Variants in FYN observed in about 807,000 individuals in gnomAD.
The protein encoded by FYN is FYN proto-oncogene, Src family tyrosine kinase.
A neutral mutation model predicts 70.2 loss-of-function variants in FYN; 10 were observed. The ratio of observed to expected loss-of-function variants is 0.14; its 90% CI spans 0.09 to 0.24. The LOEUF (loss-of-function observed/expected upper bound fraction) is 0.24. Ranked by LOEUF, FYN falls within the 10% of genes least tolerant of loss-of-function variation. FYN has a pLI of 1.00. For missense variants in FYN, 319 were observed against 673.1 expected (o/e 0.47, Z 5.82); for synonymous variants, 236 against 248.6 (o/e 0.95, Z 0.48).
At chr6:111,821,019 T>A (rs73766744) in intron 2 of FYN, among the ~76,000 whole-genome samples, 3,232 of 152,204 alleles carry the variant, frequency 0.021, 99 homozygotes, top group African/African-American at 0.071. Context: ...TAATTTTTTT[T>A]AAAAAAGACT....
chr6:111,792,849 G>A (rs897202941), intron 2 of FYN, among the ~76,000 whole-genome samples: 3 of 152,172 alleles, frequency 2.0e-5, no homozygotes, highest in African/African-American at 4.8e-5. Context: ...TAGAAGTCAT[G>A]CTATCAGTTA....
chr6:111,767,479 G>A (rs1803271989), intron 3 of FYN, among the ~76,000 whole-genome samples: 1 of 152,162 alleles, frequency 6.6e-6, no homozygotes, highest in Non-Finnish European at 1.5e-5. Context: ...TCAGCTCACT[G>A]CAACCTCTGC....
chr6:111,719,319 A>AG (rs1800825150), intron 4 of FYN, among the ~76,000 whole-genome samples: 1 of 152,110 alleles, frequency 6.6e-6, no homozygotes, highest in Non-Finnish European at 1.5e-5. Flanking sequence ...CCAAAAAAAA[A>AG]AAAAAAAGAA....
chr6:111,872,067 GTCACAC>G (rs906435600), intron 1 of FYN, among the ~76,000 whole-genome samples: 2 of 152,132 alleles, frequency 1.3e-5, no homozygotes, highest in East Asian at 3.9e-4. Flanking sequence ...GGCTCTTTGT[GTCACAC>G]TCACACTCAC....
At chr6:111,712,413 C>T (rs983903555) in intron 5 of FYN, among the ~76,000 whole-genome samples, 5 of 152,162 alleles carry the variant, frequency 3.3e-5, no homozygotes, top group Non-Finnish European at 7.4e-5. Flanking sequence ...AAGCCCAATC[C>T]CCTCCTCCCC....
intron 2 of FYN, among the ~76,000 whole-genome samples, chr6:111,784,448 G>A (rs1771290785): frequency 6.6e-6 from 1 of 152,206 alleles, no homozygotes; most frequent in Admixed American, 6.5e-5. Flanking sequence ...GTTTTGCTCA[G>A]GGAACTGACC....
At chr6:111,673,175 T>C (rs1055278360) in intron 13 of FYN, among the ~76,000 whole-genome samples, 2 of 152,006 alleles carry the variant, frequency 1.3e-5, no homozygotes, top group Non-Finnish European at 2.9e-5. Flanking sequence ...ATTTCCCCCC[T>C]TGAGAAGCAA....
chr6:111,827,452 C>T (rs1182700005), intron 2 of FYN, among the ~76,000 whole-genome samples: 3 of 152,144 alleles, frequency 2.0e-5, no homozygotes, highest in Admixed American at 6.5e-5. Context: ...CATTCCGGCT[C>T]ATGCCCATCT....
intron 9 of FYN, among the ~76,000 whole-genome samples, chr6:111,699,299 T>C (rs1799723206): frequency 6.6e-6 from 1 of 152,176 alleles, no homozygotes; most frequent in East Asian, 1.9e-4. Context: ...AGTGTACTGG[T>C]TTCCTGTTCT....
intron 6 of FYN, among the ~76,000 whole-genome samples, chr6:111,706,464 A>C (rs1800098508): frequency 6.6e-6 from 1 of 152,244 alleles, no homozygotes; most frequent in Admixed American, 6.5e-5. Context: ...GAAACACCAA[A>C]ATGTGCAACA....
In FYN at chr6:111,674,857, G is replaced by C. The variant is rs147996846; in HGVS notation, c.1274-227C>G. Among the ~76,000 whole-genome samples, 299 of 152,172 alleles carry C rather than the reference G, an allele frequency of 2.0e-3. 1 individual carries two copies. Among genetic ancestry groups the C allele is most frequent in the African/African-American group, 6.8e-3 (281 of 41,524 alleles). On this transcript the variant is annotated intron_variant, in intron 12 of 13. Coordinates refer to ENST00000354650, the MANE Select transcript of FYN (RefSeq NM_002037.5). ...AAAGCACCTTAGTACCTCAATAAAG[G>C]GGGGAAGAAGCCCTGGTTTCTTATG...
intron 3 of FYN, among the ~76,000 whole-genome samples, chr6:111,744,013 A>G (rs1802097610): frequency 6.6e-6 from 1 of 152,242 alleles, no homozygotes. Flanking sequence ...CACATGGGAC[A>G]TGAGATTGGA....
chr6:111,726,921 C>T (rs1164899854), intron 3 of FYN, among the ~76,000 whole-genome samples: 1 of 152,194 alleles, frequency 6.6e-6, no homozygotes, highest in Non-Finnish European at 1.5e-5. Context: ...CTCCGTCCTG[C>T]CGCCCTGTGA....
intron 3 of FYN, among the ~76,000 whole-genome samples, chr6:111,762,788 T>C (rs72942156): frequency 0.32 from 48,169 of 151,342 alleles, 8,721 homozygotes; most frequent in East Asian, 0.46. Context: ...TGATAGGTGA[T>C]GAGCTTAAAA....
intron 1 of FYN, among the ~76,000 whole-genome samples, chr6:111,867,465 A>G (rs981588013): frequency 3.4e-4 from 46 of 135,826 alleles, no homozygotes; most frequent in Non-Finnish European, 5.6e-4. Flanking sequence ...CGGGAAAAAA[A>G]AAAAAAAAAA....
At chr6:111,734,146 C>T (rs1171926644) in intron 3 of FYN, among the ~76,000 whole-genome samples, 1 of 152,086 alleles carries the variant, frequency 6.6e-6, no homozygotes, top group African/African-American at 2.4e-5. Flanking sequence ...ACAAGGAGCC[C>T]TCCAGGGTTC....
At chr6:111,676,991 A>C (rs1798554619) in intron 12 of FYN, among the ~76,000 whole-genome samples, 1 of 152,232 alleles carries the variant, frequency 6.6e-6, no homozygotes, top group Admixed American at 6.5e-5. Context: ...AAGGATTATA[A>C]TATATAAACC....
At chr6:111,735,665 A>T (rs1050429613) in intron 3 of FYN, among the ~76,000 whole-genome samples, 8 of 152,216 alleles carry the variant, frequency 5.3e-5, no homozygotes, top group African/African-American at 1.9e-4. Flanking sequence ...GGGGGGTGCC[A>T]GATCAAGAAG....
chr6:111,703,126 C>T (rs1799918334), intron 7 of FYN, 92 bp from the exon 8 acceptor site: 1 of 1,195,048 alleles, frequency 8.4e-7, no homozygotes, highest in African/African-American at 1.5e-5. Flanking sequence ...TTAATAATTA[C>T]CAAGGATGCA....
Sources: allele counts gnomAD v4.1 joint callset (sites outside exome capture counted in the v4.1 genomes callset), GRCh38; gene constraint gnomAD v4.1.1; transcripts MANE v1.5; gene names NCBI Gene and HGNC (gene_info 2026-07-23, HGNC 2026-07-21).